The following DTNA variants were observed in gnomAD, a reference collection of about 807,000 sequenced individuals.
The protein encoded by DTNA is dystrophin-related protein 3.
In DTNA, 43 loss-of-function variants were observed where a neutral mutation model predicts 100.7. That is an observed-to-expected ratio of 0.43 (90% CI 0.33 to 0.55). The LOEUF (loss-of-function observed/expected upper bound fraction) is 0.55. DTNA is among the 20% of genes least tolerant of loss of function. The probability of loss-of-function intolerance (pLI) is 0.04; values close to 1 mark genes in which losing one functional copy is unlikely to be tolerated. For synonymous variants in DTNA, 349 were observed against 347.9 expected (o/e 1.00, Z -0.04); for missense variants, 798 against 953.9 (o/e 0.84, Z 2.15).
At chr18:34,515,341 T>G (rs556934020) in intron 1 of DTNA, among the ~76,000 whole-genome samples, 24 of 152,244 alleles carry the variant, frequency 1.6e-4, no homozygotes, top group African/African-American at 5.8e-4. Flanking sequence ...ATCTGGGTCC[T>G]TGTGCATCTC....
intron 1 of DTNA, among the ~76,000 whole-genome samples, chr18:34,741,871 C>T (rs1248849841): frequency 6.6e-6 from 1 of 152,036 alleles, no homozygotes; most frequent in Non-Finnish European, 1.5e-5. Flanking sequence ...GAAGAGGCTA[C>T]AAGTTGGACC....
At chr18:34,725,115 A>G (rs2086305674) in intron 1 of DTNA, among the ~76,000 whole-genome samples, 1 of 152,218 alleles carries the variant, frequency 6.6e-6, no homozygotes, top group African/African-American at 2.4e-5. Context: ...TTAAAGACTT[A>G]AACCTAAGAC....
At chr18:34,725,136 A>G (rs1217522345) in intron 1 of DTNA, among the ~76,000 whole-genome samples, 1 of 152,204 alleles carries the variant, frequency 6.6e-6, no homozygotes, top group Non-Finnish European at 1.5e-5. Flanking sequence ...CTAAAGCCAT[A>G]AAAACCCTAG....
At chr18:34,590,612 C>T (rs1006057131) in intron 1 of DTNA, among the ~76,000 whole-genome samples, 3 of 152,152 alleles carry the variant, frequency 2.0e-5, no homozygotes, top group Non-Finnish European at 2.9e-5. Flanking sequence ...ATCCACAGAA[C>T]GGTGCTAATA....
chr18:34,560,339 A>G (rs2046524144), intron 1 of DTNA, among the ~76,000 whole-genome samples: 1 of 152,256 alleles, frequency 6.6e-6, no homozygotes, highest in African/African-American at 2.4e-5. Flanking sequence ...GAATAATTGA[A>G]TGACACAATT....
chr18:34,528,286 A>ACTCCAAG (rs1313348221), intron 1 of DTNA, among the ~76,000 whole-genome samples: 1 of 152,072 alleles, frequency 6.6e-6, no homozygotes, highest in East Asian at 1.9e-4. Context: ...GAAGAGAATA[A>ACTCCAAG]CTTCATGGCT....
chr18:34,698,389 C>T (rs1768176440), intron 1 of DTNA, among the ~76,000 whole-genome samples: 1 of 152,170 alleles, frequency 6.6e-6, no homozygotes, highest in African/African-American at 2.4e-5. Context: ...CGGAAGAATC[C>T]CCCCTTGCCT....
At chr18:34,641,780 A>C (rs1054938661) in intron 1 of DTNA, among the ~76,000 whole-genome samples, 10 of 152,188 alleles carry the variant, frequency 6.6e-5, no homozygotes, top group Non-Finnish European at 1.3e-4. Flanking sequence ...AAGTTGATAT[A>C]AGGACTTCAG....
rs141500514 is a variant in DTNA, at chr18:34,672,946, AAGG to A, written c.-1-83027_-1-83025del. On this transcript the variant is annotated intron_variant, in intron 1 of 19. Transcript: ENST00000283365. ...TTATTATATTTTCCACATTTCCTAA[AAGG>A]AGAGTTACTTTGATCAAAACACACA... 4.6e-3 allele frequency among the ~76,000 whole-genome samples: 702 copies of A among 152,216 alleles called. 6 individuals carry two copies. The highest frequency in any genetic ancestry group is 0.016 in the African/African-American group (653 of 41,538).
At chr18:34,718,989 C>CT (rs369355651) in intron 1 of DTNA, among the ~76,000 whole-genome samples, 108 of 150,988 alleles carry the variant, frequency 7.2e-4, no homozygotes, top group African/African-American at 1.8e-3. Context: ...GCAATTAACC[C>CT]TTTTTTTTTG....
chr18:34,657,012 G>T (rs1186776057), intron 1 of DTNA, among the ~76,000 whole-genome samples: 1 of 152,012 alleles, frequency 6.6e-6, no homozygotes, highest in Non-Finnish European at 1.5e-5. Context: ...GAGTACCTGG[G>T]ACTACAGGTG....
At chr18:34,726,099 G>T (rs2086617425) in intron 1 of DTNA, among the ~76,000 whole-genome samples, 1 of 152,128 alleles carries the variant, frequency 6.6e-6, no homozygotes, top group South Asian at 2.1e-4. Context: ...GCCTGTCGGG[G>T]AGTGGGGGGC....
At chr18:34,757,632 T>C (rs971492012) in intron 2 of DTNA, among the ~76,000 whole-genome samples, 3 of 152,210 alleles carry the variant, frequency 2.0e-5, no homozygotes, top group African/African-American at 7.2e-5. Context: ...AATACATATG[T>C]TACAAATGTC....
chr18:34,544,984 A>C (rs1348409930), intron 1 of DTNA, among the ~76,000 whole-genome samples: 1 of 152,128 alleles, frequency 6.6e-6, no homozygotes, highest in Non-Finnish European at 1.5e-5. Flanking sequence ...GATTCCAACA[A>C]GTGGCAGATA....
chr18:34,632,224 A>G (rs2058164145), intron 1 of DTNA, among the ~76,000 whole-genome samples: 1 of 152,098 alleles, frequency 6.6e-6, no homozygotes, highest in East Asian at 1.9e-4. Context: ...TTCTCCTTGT[A>G]TGGTGCCACA....
chr18:34,806,186 T>C (rs1428556379), intron 4 of DTNA, 33 bp from the exon 5 acceptor site: 2 of 1,591,630 alleles, frequency 1.3e-6, no homozygotes, highest in Non-Finnish European at 1.7e-6. Flanking sequence ...GTTTTGTTTT[T>C]GTTTTTGTTT....
intron 11 of DTNA, among the ~76,000 whole-genome samples, chr18:34,831,083 CT>C (rs1434801067): frequency 2.6e-5 from 4 of 152,250 alleles, no homozygotes; most frequent in African/African-American, 9.6e-5. Flanking sequence ...ATCATGCCTC[CT>C]TTTTAAAATC....
chr18:34,770,687 A>G (rs2093717982), intron 3 of DTNA, among the ~76,000 whole-genome samples: 2 of 151,932 alleles, frequency 1.3e-5, no homozygotes, highest in Non-Finnish European at 2.9e-5. Flanking sequence ...GAACTAATGG[A>G]TTTTATAGAT....
At chr18:34,790,681 C>G (rs2094699689) in intron 3 of DTNA, among the ~76,000 whole-genome samples, 1 of 149,652 alleles carries the variant, frequency 6.7e-6, no homozygotes, top group African/African-American at 2.5e-5. Flanking sequence ...ACGCCATTCT[C>G]CAAGCAGCAT....
Sources: allele counts gnomAD v4.1 joint callset (sites outside exome capture counted in the v4.1 genomes callset), GRCh38; gene constraint gnomAD v4.1.1; transcripts MANE v1.5; gene names NCBI Gene and HGNC (gene_info 2026-07-23, HGNC 2026-07-21).